Variants in TMEM163 observed in about 807,000 individuals in gnomAD.
TMEM163 encodes the protein transmembrane protein 163.
TMEM163 carries 17 observed loss-of-function variants against 29.3 expected under a neutral mutation model. The observed-to-expected ratio is 0.58, with a 90% CI of 0.40 to 0.87. TMEM163 has a LOEUF of 0.87. Ranked by LOEUF, TMEM163 falls within the 40% of genes least tolerant of loss-of-function variation. The pLI, the probability that TMEM163 is intolerant of heterozygous loss-of-function variation, is 0.00. For synonymous variants in TMEM163, 157 were observed against 160.6 expected (o/e 0.98, Z 0.17); for missense variants, 303 against 381.5 (o/e 0.79, Z 1.71).
intron 2 of TMEM163, among the ~76,000 whole-genome samples, chr2:134,626,095 T>A (rs1281524434): frequency 7.2e-5 from 1 of 13,978 alleles, no homozygotes; most frequent in South Asian, 1.3e-3. Context: ...CTTTTCCAGC[T>A]TTTTTTTTTT....
At chr2:134,535,717 G>GTTTTTTT (rs59227102) in intron 4 of TMEM163, among the ~76,000 whole-genome samples, 3 of 142,480 alleles carry the variant, frequency 2.1e-5, no homozygotes, top group African/African-American at 8.0e-5. Context: ...TATTTGTATG[G>GTTTTTTT]TTTTTTTTTT....
At chr2:134,484,238 C>A (rs1679265580) in intron 5 of TMEM163, among the ~76,000 whole-genome samples, 1 of 152,026 alleles carries the variant, frequency 6.6e-6, no homozygotes, top group Admixed American at 6.5e-5. Flanking sequence ...GAAAAAAAAA[C>A]ACCCTCACCA....
chr2:134,465,318 T>C (rs1402386476), intron 6 of TMEM163, among the ~76,000 whole-genome samples: 1 of 152,140 alleles, frequency 6.6e-6, no homozygotes, highest in Non-Finnish European at 1.5e-5. Context: ...ATATATAAAC[T>C]TTTTAAAAAA....
At chr2:134,520,203 A>G (rs1680163831) in intron 4 of TMEM163, among the ~76,000 whole-genome samples, 1 of 152,212 alleles carries the variant, frequency 6.6e-6, no homozygotes, top group Non-Finnish European at 1.5e-5. Flanking sequence ...AATCAAATCA[A>G]TGTCCTAAAA....
At position 134,556,730 on chromosome 2, in the gene TMEM163, A is replaced by G. The variant is rs572391814; in HGVS notation, c.323-4639T>C. ...CAGCTACTCAGGAGGCTGAGGTGGG[A>G]GGATTGCTTGAGCCCAGGAGGTAGA... On this transcript the variant is annotated intron_variant, in intron 2 of 7. Coordinates refer to ENST00000281924, the MANE Select transcript of TMEM163 (RefSeq NM_030923.5). Among the ~76,000 whole-genome samples the G allele has an allele frequency of 2.0e-5, 3 of 152,306 alleles. No homozygotes were observed. In the East Asian group the frequency reaches 5.8e-4, roughly 29 times the overall value.
At chr2:134,576,245 G>A (rs1386223520) in intron 2 of TMEM163, among the ~76,000 whole-genome samples, 1 of 152,110 alleles carries the variant, frequency 6.6e-6, no homozygotes, top group Non-Finnish European at 1.5e-5. Context: ...TAAGAATTAG[G>A]TTATGGACTG....
intron 4 of TMEM163, among the ~76,000 whole-genome samples, chr2:134,514,923 A>T (rs1398990823): frequency 6.6e-6 from 1 of 152,144 alleles, no homozygotes; most frequent in African/African-American, 2.4e-5. Context: ...CTGGAATGAG[A>T]TCTCATGTGG....
intron 5 of TMEM163, among the ~76,000 whole-genome samples, chr2:134,483,903 G>A (rs1679258434): frequency 6.6e-6 from 1 of 152,200 alleles, no homozygotes. Flanking sequence ...CAGCACTTTG[G>A]GAGGCCAAGG....
At chr2:134,659,318 T>C (rs1457538240) in intron 2 of TMEM163, among the ~76,000 whole-genome samples, 1 of 152,212 alleles carries the variant, frequency 6.6e-6, no homozygotes, top group Non-Finnish European at 1.5e-5. Context: ...AGCACACAAC[T>C]GTACTTCAAA....
rs34581448 is a variant in TMEM163, at chr2:134,460,622, C to A, written c.668-2449G>T. On this transcript the variant is annotated intron_variant, in intron 6 of 7. Coordinates refer to ENST00000281924, the MANE Select transcript of TMEM163 (RefSeq NM_030923.5). This position sits in a 1 kb window ranked among gnomAD's most constrained non-coding sequence, Gnocchi z 4.3. ...CTGAGCGCCACCCCTGCCTGGCTCC[C>A]GCAGACAGTCACCCCAGGAGAAGCA... Among the ~76,000 whole-genome samples, 1 of 152,124 alleles carries A rather than the reference C, an allele frequency of 6.6e-6. No individual in the cohort carries two copies. Among genetic ancestry groups the A allele is most frequent in the Non-Finnish European group, 1.5e-5 (1 of 68,018 alleles).
intron 2 of TMEM163, among the ~76,000 whole-genome samples, chr2:134,673,487 C>CCCCCAGA (rs1684039455): frequency 6.6e-6 from 1 of 151,972 alleles, no homozygotes; most frequent in Non-Finnish European, 1.5e-5. Context: ...TGTTCACAAC[C>CCCCCAGA]TAATCCCCAG....
chr2:134,688,093 C>T (rs1282993808), intron 2 of TMEM163, among the ~76,000 whole-genome samples: 3 of 152,160 alleles, frequency 2.0e-5, no homozygotes, highest in Non-Finnish European at 4.4e-5. Flanking sequence ...CTTCTGGCTG[C>T]GCAGCAAGCT....
intron 2 of TMEM163, among the ~76,000 whole-genome samples, chr2:134,678,287 T>C (rs1476893438): frequency 6.6e-6 from 1 of 152,200 alleles, no homozygotes; most frequent in African/African-American, 2.4e-5. Context: ...GCAATCTCAC[T>C]GTGTAAATCC....
chr2:134,569,336 G>A (rs1681370620), intron 2 of TMEM163, among the ~76,000 whole-genome samples: 1 of 152,098 alleles, frequency 6.6e-6, no homozygotes, highest in South Asian at 2.1e-4. Flanking sequence ...GACCCTGTAG[G>A]TTTAAGCCCT....
At chr2:134,516,451 C>T (rs1164031169) in intron 4 of TMEM163, among the ~76,000 whole-genome samples, 1 of 151,670 alleles carries the variant, frequency 6.6e-6, no homozygotes, top group African/African-American at 2.4e-5. Flanking sequence ...ATCCTAGCTA[C>T]TCGGGAAGTT....
intron 4 of TMEM163, among the ~76,000 whole-genome samples, chr2:134,546,663 A>G (rs1680793733): frequency 1.3e-5 from 2 of 148,376 alleles, no homozygotes; most frequent in African/African-American, 5.1e-5. Context: ...AAAAAAAAAA[A>G]TTAGCCAGGT....
intron 4 of TMEM163, among the ~76,000 whole-genome samples, chr2:134,530,360 C>G (rs1295925682): frequency 6.6e-6 from 1 of 152,190 alleles, no homozygotes; most frequent in East Asian, 1.9e-4. Flanking sequence ...TAACCTCAAT[C>G]AACCTCCTAC....
At chr2:134,659,878 A>C (rs1404073639) in intron 2 of TMEM163, among the ~76,000 whole-genome samples, 1 of 152,132 alleles carries the variant, frequency 6.6e-6, no homozygotes, top group Non-Finnish European at 1.5e-5. Context: ...TTGAGGCTGC[A>C]GTGAGCTACA....
chr2:134,593,809 A>AT (rs199837410), intron 2 of TMEM163, among the ~76,000 whole-genome samples: 20,797 of 144,906 alleles, frequency 0.14, 1,952 homozygotes, highest in African/African-American at 0.27. Flanking sequence ...GACTCTGGGA[A>AT]TTTTTTTTTT....
Sources: allele counts gnomAD v4.1 joint callset (sites outside exome capture counted in the v4.1 genomes callset), GRCh38; gene constraint gnomAD v4.1.1; non-coding constraint Gnocchi (gnomAD v3.1); transcripts MANE v1.5; gene names NCBI Gene and HGNC (gene_info 2026-07-23, HGNC 2026-07-21).